The following SMARCA4 variants were observed in gnomAD, a reference collection of about 807,000 sequenced individuals.
The protein encoded by SMARCA4 is SWI/SNF-related matrix-associated actin-dependent regulator of chromatin subfamily A member 4.
Under a neutral mutation model 193.9 loss-of-function variants are expected in SMARCA4, and 31 were observed. The observed-to-expected ratio is 0.16, with a 90% CI of 0.12 to 0.22. The LOEUF (loss-of-function observed/expected upper bound fraction) is 0.22. SMARCA4 is among the 10% of genes least tolerant of loss of function. SMARCA4 has a pLI of 1.00. For missense variants in SMARCA4, 1,148 were observed against 2,296.0 expected (o/e 0.50, Z 10.22); for synonymous variants, 942 against 933.1 (o/e 1.01, Z -0.17).
At chr19:10,962,316 T>G (rs1479740578) in intron 1 of SMARCA4, among the ~76,000 whole-genome samples, 1 of 152,004 alleles carries the variant, frequency 6.6e-6, no homozygotes, top group African/African-American at 2.4e-5. Flanking sequence ...GCAGATAACT[T>G]CTTGAGGCCC....
intron 1 of SMARCA4, chr19:10,983,818 C>T (rs11672595): frequency 0.03 from 14,337 of 471,338 alleles, 325 homozygotes; most frequent in Non-Finnish European, 0.04. Context: ...TAGACCAGCA[C>T]CCCCTGAGAC....
At chr19:11,018,596 C>A (rs919356739) in intron 16 of SMARCA4, among the ~76,000 whole-genome samples, 2 of 152,258 alleles carry the variant, frequency 1.3e-5, no homozygotes, top group Non-Finnish European at 2.9e-5. Context: ...GCTAGCCTGG[C>A]TCTGGGCGTG....
chr19:11,010,975 G>A (rs2088777383), intron 15 of SMARCA4: 1 of 263,300 alleles, frequency 3.8e-6, no homozygotes, highest in Non-Finnish European at 7.7e-6. Flanking sequence ...CAGGAGCTTA[G>A]ATCTAGGAGC....
Position 11,030,028 on chromosome 19 carries a change from G to C in SMARCA4, c.3383-702G>C, listed in dbSNP as rs534767953. On this transcript the variant is annotated intron_variant, in intron 24 of 34. Coordinates refer to ENST00000344626, the MANE Select transcript of SMARCA4 (RefSeq NM_003072.5). This position sits in a 1 kb window ranked among gnomAD's most constrained non-coding sequence, Gnocchi z 5.5. The stretch of plus-strand genomic sequence containing the variant: ...GACTTCAGTGTTCAGGGGCACCTCT[G>C]TCCGAACTCCCAGCAGCGCAGGGAG... Among the ~76,000 whole-genome samples, 2 of 152,050 alleles carry C rather than the reference G, an allele frequency of 1.3e-5. No homozygotes were observed. Among genetic ancestry groups the C allele is most frequent in the African/African-American group, 4.8e-5 (2 of 41,384 alleles).
rs2146694542 is a variant in SMARCA4 at position 11,034,892 on chromosome 19, C to T, written c.3952-22C>T. Reference sequence around the variant, plus strand: ...TGGTGCCTGCATGCTGATGCCTCTCCCGTTGCCTCCCTGCCCACCAGCGCA... The same window carrying T: ...TGGTGCCTGCATGCTGATGCCTCTCTCGTTGCCTCCCTGCCCACCAGCGCA... On this transcript the variant is annotated intron_variant, in intron 28 of 34. Coordinates refer to ENST00000344626, the MANE Select transcript of SMARCA4 (RefSeq NM_003072.5). This position sits in a 1 kb window ranked among gnomAD's most constrained non-coding sequence, Gnocchi z 7.0. 1.3e-6 allele frequency: 2 copies of T among 1,523,448 alleles called. No homozygotes were observed. Among genetic ancestry groups the T allele is most frequent in the Non-Finnish European group, 1.8e-6 (2 of 1,124,830 alleles). 94.4% of individuals were successfully genotyped at this position (1,523,448 alleles called of 1,614,324 possible).
At chr19:11,005,886 A>G (rs569607145) in intron 13 of SMARCA4, among the ~76,000 whole-genome samples, 6 of 152,272 alleles carry the variant, frequency 3.9e-5, no homozygotes, top group Admixed American at 2.0e-4. Flanking sequence ...CACTCTGTCA[A>G]TTTGTCCGGC....
chr19:11,019,318 C>T lies in SMARCA4; in HGVS notation c.2506-273C>T, dbSNP rs1426627510. 3 of 605,102 alleles carry T rather than the reference C, an allele frequency of 5.0e-6. No individual in the cohort carries two copies. The highest frequency in any genetic ancestry group is 5.9e-6 in the Non-Finnish European group (2 of 339,008). 37.5% of individuals were successfully genotyped at this position (605,102 alleles called of 1,614,324 possible). A position where few individuals can be genotyped will look rare whatever the true frequency, so the allele number is the denominator to read the frequency against. The stretch of plus-strand genomic sequence containing the variant: ...AGGAAGAGGGGAGCCTGTCAGCCAC[C>T]AGGAATGTGCAGATGGCGGTGCAGG... On this transcript the variant is annotated intron_variant, in intron 17 of 34. Coordinates refer to ENST00000344626, the MANE Select transcript of SMARCA4 (RefSeq NM_003072.5). The surrounding 1 kb of genome is among the most constrained non-coding windows in gnomAD (Gnocchi z 6.1).
chr19:11,046,064 A>G (rs1338152935), intron 30 of SMARCA4, among the ~76,000 whole-genome samples: 7 of 152,194 alleles, frequency 4.6e-5, no homozygotes, highest in African/African-American at 9.6e-5. Context: ...TCTACTAAAA[A>G]TACAAAAAAT....
At chr19:10,982,896 C>T (rs779770484) in intron 1 of SMARCA4, among the ~76,000 whole-genome samples, 7 of 152,140 alleles carry the variant, frequency 4.6e-5, no homozygotes, top group Non-Finnish European at 1.0e-4. Flanking sequence ...CCGGAGAGTT[C>T]AGGGGCAAAG....
intron 1 of SMARCA4, among the ~76,000 whole-genome samples, chr19:10,963,905 A>T (rs992968227): frequency 1.3e-5 from 2 of 152,052 alleles, no homozygotes; most frequent in African/African-American, 4.8e-5. Context: ...ACTGCACTCC[A>T]GCCTGGGTGA....
At chr19:11,057,622 G>A (rs187470536) in intron 30 of SMARCA4, among the ~76,000 whole-genome samples, 20 of 152,058 alleles carry the variant, frequency 1.3e-4, no homozygotes, top group South Asian at 8.3e-4. Context: ...CCAGCTACTC[G>A]GGAGGCTGAG....
intron 1 of SMARCA4, among the ~76,000 whole-genome samples, chr19:10,973,880 C>T (rs971366978): frequency 6.6e-5 from 10 of 151,920 alleles, no homozygotes; most frequent in Non-Finnish European, 1.3e-4. Context: ...TGGAGGTTTT[C>T]TTATAGACCA....
chr19:10,994,469 G>A (rs1411986754), intron 8 of SMARCA4, among the ~76,000 whole-genome samples: 2 of 151,364 alleles, frequency 1.3e-5, no homozygotes, highest in Non-Finnish European at 1.5e-5. Context: ...GACTACAGGC[G>A]GCCCCTCACC....
At chr19:10,996,430 G>T in intron 10 of SMARCA4, 50 bp downstream of exon 10, 1 of 1,613,440 alleles carries the variant, frequency 6.2e-7, no homozygotes, top group African/African-American at 1.3e-5. Context: ...GGGAGCAGCC[G>T]TCTTCACGTG....
intron 30 of SMARCA4, among the ~76,000 whole-genome samples, chr19:11,054,999 C>T (rs1261482351): frequency 6.6e-6 from 1 of 152,132 alleles, no homozygotes; most frequent in East Asian, 1.9e-4. Context: ...CAGCATGTCC[C>T]TCTTTAATAT....
chr19:10,977,606 G>A (rs2085248261), intron 1 of SMARCA4: 1 of 152,242 alleles, frequency 6.6e-6, no homozygotes, highest in African/African-American at 2.4e-5. Context: ...TTACAGGCAT[G>A]GGCCACCATG....
intron 30 of SMARCA4, among the ~76,000 whole-genome samples, chr19:11,043,729 T>C (rs1328861019): frequency 1.3e-5 from 2 of 152,000 alleles, no homozygotes; most frequent in African/African-American, 2.4e-5. Context: ...ATCCCAGCAC[T>C]TTGGGAGGCT....
rs995214932 is a variant in SMARCA4 at position 11,013,047 on chromosome 19, G to T, written c.2373G>T (p.Ala791=). The change falls in exon 16 of 35, where the codon GCG becomes GCT. Residue 791 remains alanine (A), a synonymous_variant. Transcript: ENST00000344626. ...TGGGGAAGACCATCCAGACCATCGC[G>T]CTCATCACGTACCTCATGGAGCACA... is the stretch of plus-strand genomic sequence containing the variant. ...MGLGKTIQTI[A]LITYLMEHKR... 1 of 1,614,118 alleles carries T rather than the reference G, an allele frequency of 6.2e-7. No homozygotes were observed. The highest frequency in any genetic ancestry group is 8.5e-7 in the Non-Finnish European group (1 of 1,180,006).
intron 1 of SMARCA4, among the ~76,000 whole-genome samples, chr19:10,969,021 C>A (rs769743609): frequency 6.6e-6 from 1 of 152,164 alleles, no homozygotes; most frequent in African/African-American, 2.4e-5. Context: ...CATCCTATTC[C>A]TTTTGATCCT....
Sources: gnomAD v4.1 joint callset for allele counts (sites outside exome capture counted in the v4.1 genomes callset) on GRCh38, gnomAD v4.1.1 for gene constraint, Gnocchi (gnomAD v3.1) non-coding constraint, MANE v1.5 for transcripts, NCBI Gene and HGNC (gene_info 2026-07-23, HGNC 2026-07-21) for gene names.